Variants in RSRC1 observed in about 807,000 individuals in gnomAD.
RSRC1 encodes arginine and serine rich coiled-coil 1.
In RSRC1, 39 loss-of-function variants were observed where a neutral mutation model predicts 49.1. The observed-to-expected ratio is 0.79, with a 90% CI of 0.61 to 1.04. The LOEUF (loss-of-function observed/expected upper bound fraction) is 1.04, where lower values mean the gene tolerates loss of function less well. Among genes scored for constraint, RSRC1 ranks in the 50% least tolerant of loss-of-function variants. The probability of loss-of-function intolerance (pLI) is 0.00; values close to 1 mark genes in which losing one functional copy is unlikely to be tolerated. For synonymous variants in RSRC1, 143 were observed against 130.8 expected, an observed-to-expected ratio of 1.09 and a Z score of -0.63; for missense variants, 388 against 402.4, an observed-to-expected ratio of 0.96 and a Z score of 0.31.
intron 5 of RSRC1, among the ~76,000 whole-genome samples, chr3:158,352,571 C>T (rs991701137): frequency 1.3e-5 from 2 of 152,118 alleles, no homozygotes; most frequent in Non-Finnish European, 2.9e-5. Flanking sequence ...TTAAAGGACA[C>T]TACTTACAAG....
intron 6 of RSRC1, among the ~76,000 whole-genome samples, chr3:158,416,048 A>G (rs1470708790): frequency 3.3e-5 from 5 of 152,058 alleles, no homozygotes. Context: ...TATAACACAT[A>G]CTTGATACCT....
chr3:158,217,310 G>T (rs1721995263), intron 4 of RSRC1, among the ~76,000 whole-genome samples: 1 of 151,610 alleles, frequency 6.6e-6, no homozygotes, highest in South Asian at 2.1e-4. Context: ...GGTATGTGTG[G>T]GTTCTAGCGT....
intron 5 of RSRC1, among the ~76,000 whole-genome samples, chr3:158,321,248 T>A (rs1728738194): frequency 6.7e-6 from 1 of 148,402 alleles, no homozygotes; most frequent in African/African-American, 2.5e-5. Flanking sequence ...ATTCTCTCTC[T>A]TCCTTCTTCT....
intron 6 of RSRC1, among the ~76,000 whole-genome samples, chr3:158,394,229 C>T (rs1044700365): frequency 2.0e-5 from 3 of 151,988 alleles, no homozygotes; most frequent in African/African-American, 7.2e-5. Context: ...AAGTATTCCT[C>T]TTGAGAACCA....
chr3:158,218,688 A>G (rs924175677), intron 4 of RSRC1, among the ~76,000 whole-genome samples: 27 of 151,634 alleles, frequency 1.8e-4, no homozygotes, highest in Non-Finnish European at 7.4e-5. Context: ...TTAACTCTTT[A>G]GGTATTTTAC....
intron 4 of RSRC1, among the ~76,000 whole-genome samples, chr3:158,209,849 C>T (rs1329429358): frequency 6.6e-6 from 1 of 152,074 alleles, no homozygotes; most frequent in East Asian, 1.9e-4. Context: ...GTATTATAAG[C>T]AGTGTGAATA....
intron 4 of RSRC1, among the ~76,000 whole-genome samples, chr3:158,263,468 C>T (rs1232544363): frequency 6.6e-6 from 1 of 151,904 alleles, no homozygotes; most frequent in Admixed American, 6.6e-5. Context: ...TTATTTAGAA[C>T]GTTGTTTTGC....
chr3:158,285,721 G>A (rs1007787966), intron 4 of RSRC1, among the ~76,000 whole-genome samples: 3 of 152,052 alleles, frequency 2.0e-5, no homozygotes, highest in African/African-American at 7.2e-5. Context: ...AAGAATGCTT[G>A]TGATTTTTGT....
At chr3:158,366,433 G>A (rs1180294183) in intron 6 of RSRC1, among the ~76,000 whole-genome samples, 1 of 152,074 alleles carries the variant, frequency 6.6e-6, no homozygotes, top group East Asian at 1.9e-4. Flanking sequence ...TTTTTGTCAG[G>A]TTTGTCAAAT....
chr3:158,191,142 A>G (rs16828737), intron 3 of RSRC1, among the ~76,000 whole-genome samples: 11,638 of 151,830 alleles, frequency 0.077, 544 homozygotes, highest in South Asian at 0.13. Flanking sequence ...TCACCAAGCC[A>G]CCGGTGGACA....
chr3:158,120,945 C>T (rs371968852), intron 1 of RSRC1, among the ~76,000 whole-genome samples: 6 of 151,320 alleles, frequency 4.0e-5, no homozygotes, highest in Admixed American at 1.3e-4. Flanking sequence ...GACAACTAAG[C>T]TTCTTGTCAG....
intron 4 of RSRC1, among the ~76,000 whole-genome samples, chr3:158,285,349 T>C (rs1726459372): frequency 6.6e-6 from 1 of 152,210 alleles, no homozygotes; most frequent in Non-Finnish European, 1.5e-5. Context: ...CTTTGTTCTT[T>C]TGGCCTAGGA....
chr3:158,470,754 C>T (rs1449588619), intron 7 of RSRC1, among the ~76,000 whole-genome samples: 1 of 152,068 alleles, frequency 6.6e-6, no homozygotes. Flanking sequence ...AACATTTCCA[C>T]CCTATTGTAA....
chr3:158,487,495 TTTGATGAAC>T (rs1368760753), intron 7 of RSRC1, among the ~76,000 whole-genome samples: 1 of 152,162 alleles, frequency 6.6e-6, no homozygotes, highest in Non-Finnish European at 1.5e-5. Flanking sequence ...TTATTGTCTA[TTTGATGAAC>T]TTGGTTGTTA....
intron 7 of RSRC1, among the ~76,000 whole-genome samples, chr3:158,466,951 C>T (rs761761187): frequency 6.6e-6 from 1 of 152,236 alleles, no homozygotes; most frequent in Non-Finnish European, 1.5e-5. Flanking sequence ...CCCACCTACT[C>T]AGGAGGCTGA....
intron 4 of RSRC1, among the ~76,000 whole-genome samples, chr3:158,207,475 G>A (rs1467549379): frequency 1.3e-5 from 2 of 152,104 alleles, no homozygotes; most frequent in Admixed American, 1.3e-4. Flanking sequence ...TAAAAAATTT[G>A]TGGAGAGAGA....
rs1348416763 is a variant in RSRC1 at position 158,433,891 on chromosome 3, T to C, written c.584-27044T>C. Among the ~76,000 whole-genome samples the C allele has an allele frequency of 4.5e-4, 69 of 151,978 alleles. 1 individual carries two copies. Among genetic ancestry groups the C allele is most frequent in the Non-Finnish European group, 2.9e-5 (2 of 67,958 alleles). ...AAATTTTAATCTTTGTTTTGACCCC[T>C]ATTAAAGCAGAATATATATTTAAAC... On this transcript the variant is annotated intron_variant, in intron 6 of 9. Transcript: ENST00000611884.
At chr3:158,273,905 G>A (rs1725659417) in intron 4 of RSRC1, among the ~76,000 whole-genome samples, 1 of 152,022 alleles carries the variant, frequency 6.6e-6, no homozygotes, top group Non-Finnish European at 1.5e-5. Context: ...CTTGAGTCAT[G>A]TTTGCTAACT....
At chr3:158,268,565 A>G (rs1168329385) in intron 4 of RSRC1, among the ~76,000 whole-genome samples, 1 of 152,242 alleles carries the variant, frequency 6.6e-6, no homozygotes, top group Non-Finnish European at 1.5e-5. Flanking sequence ...AACACCAGAA[A>G]ATAATAAAAC....
Sources: allele counts gnomAD v4.1 joint callset (sites outside exome capture counted in the v4.1 genomes callset), GRCh38; gene constraint gnomAD v4.1.1; transcripts MANE v1.5; gene names NCBI Gene and HGNC (gene_info 2026-07-23, HGNC 2026-07-21).